The following RGS7 variants were observed in gnomAD, a reference collection of about 807,000 sequenced individuals.
RGS7 encodes regulator of G-protein signaling 7.
Under a neutral mutation model 81.1 loss-of-function variants are expected in RGS7, and 27 were observed. The observed-to-expected ratio is 0.33, with a 90% CI of 0.25 to 0.46. The LOEUF (loss-of-function observed/expected upper bound fraction) is 0.46. Among genes scored for constraint, RGS7 ranks in the 20% least tolerant of loss-of-function variants. RGS7 has a pLI of 1.00. For synonymous variants in RGS7, 208 were observed against 207.7 expected, an observed-to-expected ratio of 1.00 and a Z score of -0.01; for missense variants, 396 against 607.4, an observed-to-expected ratio of 0.65 and a Z score of 3.66.
At chr1:240,817,736 G>A (rs1363133965) in intron 10 of RGS7, among the ~76,000 whole-genome samples, 1 of 152,138 alleles carries the variant, frequency 6.6e-6, no homozygotes, top group Non-Finnish European at 1.5e-5. Flanking sequence ...CCAAGTAGCT[G>A]AGATTACAGG....
chr1:240,985,949 T>TTAAATAAA (rs71172667), intron 3 of RGS7, among the ~76,000 whole-genome samples: 6,263 of 144,594 alleles, frequency 0.043, 176 homozygotes, highest in East Asian at 0.1. Context: ...CAGCTTTATA[T>TTAAATAAA]TAAATAAATA....
At chr1:240,942,510 T>G (rs958582967) in intron 4 of RGS7, among the ~76,000 whole-genome samples, 4 of 152,252 alleles carry the variant, frequency 2.6e-5, no homozygotes, top group Non-Finnish European at 4.4e-5. Context: ...TTTATCACTA[T>G]CATGTTATTT....
At chr1:241,337,233 CCA>C (rs1188549018) in intron 2 of RGS7, among the ~76,000 whole-genome samples, 1 of 152,132 alleles carries the variant, frequency 6.6e-6, no homozygotes, top group African/African-American at 2.4e-5. Context: ...ATTCTGTACT[CCA>C]TTGTTCATGC....
chr1:241,001,687 A>G (rs1046688457), intron 3 of RGS7, among the ~76,000 whole-genome samples: 22 of 152,200 alleles, frequency 1.4e-4, no homozygotes, highest in Admixed American at 1.2e-3. Flanking sequence ...TCAATCTGAA[A>G]AGGCCACACA....
intron 2 of RGS7, among the ~76,000 whole-genome samples, chr1:241,310,562 T>A (rs2148553857): frequency 6.6e-6 from 1 of 152,010 alleles, no homozygotes; most frequent in African/African-American, 2.4e-5. Context: ...TCTTTTTTTT[T>A]TTTTTTAAAC....
chr1:240,980,897 C>T (rs3912108), intron 4 of RGS7, among the ~76,000 whole-genome samples: 136,866 of 152,262 alleles, frequency 0.9, 61,577 homozygotes, highest in East Asian at 1. Flanking sequence ...CATTTGACTT[C>T]ATCTTGTCAT....
At chr1:241,325,469 G>C (rs962853280) in intron 2 of RGS7, among the ~76,000 whole-genome samples, 3 of 152,072 alleles carry the variant, frequency 2.0e-5, no homozygotes, top group South Asian at 2.1e-4. Flanking sequence ...CGGTAAAAAG[G>C]GTACTCATAT....
chr1:241,184,674 G>A (rs1450322423), intron 2 of RGS7, among the ~76,000 whole-genome samples: 2 of 152,070 alleles, frequency 1.3e-5, no homozygotes, highest in Non-Finnish European at 2.9e-5. Flanking sequence ...TGGGTAAGGT[G>A]TATACAAAAC....
chr1:240,927,769 C>T (rs548612151), intron 6 of RGS7, among the ~76,000 whole-genome samples: 29 of 152,102 alleles, frequency 1.9e-4, no homozygotes, highest in Admixed American at 1.4e-3. Flanking sequence ...CTAAGCACAA[C>T]CAATAATATG....
intron 2 of RGS7, among the ~76,000 whole-genome samples, chr1:241,220,393 A>G (rs2074822363): frequency 1.3e-5 from 2 of 152,186 alleles, no homozygotes; most frequent in Non-Finnish European, 2.9e-5. Context: ...CAATGTCTAG[A>G]GAGATAGGGT....
intron 2 of RGS7, among the ~76,000 whole-genome samples, chr1:241,240,983 A>G (rs533691609): frequency 6.6e-6 from 1 of 152,170 alleles, no homozygotes; most frequent in South Asian, 2.1e-4. Flanking sequence ...CATCACAGAG[A>G]GTTCATTTGC....
intron 3 of RGS7, among the ~76,000 whole-genome samples, chr1:241,043,664 T>TTA (rs201353482): frequency 0.07 from 10,409 of 147,738 alleles, 567 homozygotes; most frequent in African/African-American, 0.14. Context: ...TTATATAATA[T>TTA]TATGTTATAT....
chr1:241,291,401 G>A (rs1031061798), intron 2 of RGS7, among the ~76,000 whole-genome samples: 1 of 152,050 alleles, frequency 6.6e-6, no homozygotes, highest in Non-Finnish European at 1.5e-5. Flanking sequence ...ATCCTTAGAG[G>A]AATTTTCACT....
intron 4 of RGS7, among the ~76,000 whole-genome samples, chr1:240,960,196 C>T (rs1371856760): frequency 4.4e-5 from 4 of 90,642 alleles, no homozygotes; most frequent in South Asian, 4.3e-4. Context: ...ATTTGCTTTT[C>T]TTCTTCTTCC....
rs541386483 is a variant in RGS7, at chr1:241,069,713, C to G, written c.175+28953G>C. The stretch of plus-strand genomic sequence containing the variant: ...GTACAAAAATGCAGGAGAAGCACAC[C>G]CCTAGTCCTTCACTGACATATTTCC... On this transcript the variant is annotated intron_variant, in intron 3 of 18. Transcript: ENST00000440928. 8.5e-5 allele frequency among the ~76,000 whole-genome samples: 13 copies of G among 152,136 alleles called. No individual in the cohort carries two copies. In the South Asian group the frequency reaches 2.5e-3, roughly 29 times the overall value.
chr1:240,869,800 C>T (rs532663601), intron 7 of RGS7, among the ~76,000 whole-genome samples: 9 of 152,258 alleles, frequency 5.9e-5, no homozygotes, highest in East Asian at 1.9e-4. Context: ...ATTATCTGGG[C>T]GTGGTGGTGC....
At chr1:240,866,388 G>A (rs1398092239) in intron 9 of RGS7, among the ~76,000 whole-genome samples, 2 of 152,140 alleles carry the variant, frequency 1.3e-5, no homozygotes, top group South Asian at 2.1e-4. Context: ...GTGGGCACCT[G>A]TAGTCCCAGC....
chr1:240,855,045 T>C (rs992492544), intron 9 of RGS7, among the ~76,000 whole-genome samples: 2 of 152,120 alleles, frequency 1.3e-5, no homozygotes, highest in African/African-American at 4.8e-5. Context: ...GACATCTCTT[T>C]ATAGAAAATT....
At chr1:240,981,446 C>T (rs1203387893) in intron 4 of RGS7, among the ~76,000 whole-genome samples, 1 of 152,142 alleles carries the variant, frequency 6.6e-6, no homozygotes, top group African/African-American at 2.4e-5. Flanking sequence ...TCTTTTAAAT[C>T]TACTTCACCT....
Sources: gnomAD v4.1 joint callset for allele counts (sites outside exome capture counted in the v4.1 genomes callset) on GRCh38, gnomAD v4.1.1 for gene constraint, MANE v1.5 for transcripts, NCBI Gene and HGNC (gene_info 2026-07-23, HGNC 2026-07-21) for gene names.